GRXCR1: variants seen among roughly 807,000 people sequenced by gnomAD.
The protein encoded by GRXCR1 is glutaredoxin and cysteine rich domain containing 1.
A neutral mutation model predicts 27.3 loss-of-function variants in GRXCR1; 27 were observed. That is an observed-to-expected ratio of 0.99 (90% CI 0.73 to 1.37). The LOEUF is 1.37. GRXCR1 is among the 40% of genes most tolerant of loss of function. The pLI, the probability that GRXCR1 is intolerant of heterozygous loss-of-function variation, is 0.00. For synonymous variants in GRXCR1, 122 were observed against 131.1 expected (o/e 0.93, Z 0.47); for missense variants, 379 against 354.4 (o/e 1.07, Z -0.56).
chr4:42,906,539 A>G (rs1400011765), intron 1 of GRXCR1, among the ~76,000 whole-genome samples: 1 of 152,180 alleles, frequency 6.6e-6, no homozygotes, highest in Non-Finnish European at 1.5e-5. Flanking sequence ...CTCATTTCAC[A>G]TCTGAGGAGA....
chr4:43,008,054 T>C (rs905092781), intron 2 of GRXCR1, among the ~76,000 whole-genome samples: 5 of 152,324 alleles, frequency 3.3e-5, no homozygotes, highest in Admixed American at 6.5e-5. Flanking sequence ...TAGTTTTATC[T>C]AGTTTTCATT....
chr4:42,940,450 T>C (rs1406232051), intron 1 of GRXCR1, among the ~76,000 whole-genome samples: 1 of 152,072 alleles, frequency 6.6e-6, no homozygotes. Context: ...AGTTTTATCT[T>C]GTTGTAAGGA....
intron 2 of GRXCR1, among the ~76,000 whole-genome samples, chr4:42,997,209 T>C (rs1382367857): frequency 2.0e-5 from 3 of 152,336 alleles, no homozygotes; most frequent in East Asian, 3.9e-4. Context: ...AATAGATTAC[T>C]GAAAGTTGAA....
In GRXCR1 at chr4:42,937,932, T is replaced by C. The variant is rs187643083; in HGVS notation, c.385-24960T>C. On this transcript the variant is annotated intron_variant, in intron 1 of 3. Coordinates refer to ENST00000399770, the MANE Select transcript of GRXCR1 (RefSeq NM_001080476.3). ...TTTCTTTGAGTTATAAACATTTCAA[T>C]TGAATTCTCTAAGTTATTGTAAAAT... Among the ~76,000 whole-genome samples, 21 of 152,078 alleles carry C rather than the reference T, an allele frequency of 1.4e-4. No homozygotes were observed. In the East Asian group the frequency reaches 3.5e-3, roughly 25 times the overall value.
intron 2 of GRXCR1, among the ~76,000 whole-genome samples, chr4:42,963,380 A>G (rs771019911): frequency 6.6e-6 from 1 of 152,036 alleles, no homozygotes; most frequent in African/African-American, 2.4e-5. Flanking sequence ...ATAAATGTTT[A>G]AAAATATTCA....
chr4:42,951,153 G>A (rs1157743733), intron 1 of GRXCR1, among the ~76,000 whole-genome samples: 1 of 152,288 alleles, frequency 6.6e-6, no homozygotes. Flanking sequence ...GTCAGGAGAA[G>A]CTTGATGTCT....
chr4:43,011,032 C>T lies in GRXCR1; in HGVS notation c.628-9322C>T, dbSNP rs561738241. ...TTTCATGTGGCTGAGCCCACGATGT[C>T]AAACCTGAATGTTGCAGCCTCCCAA... On this transcript the variant is annotated intron_variant, in intron 2 of 3. Transcript: ENST00000399770. 2.0e-4 allele frequency among the ~76,000 whole-genome samples: 31 copies of T among 152,262 alleles called. 3 individuals are homozygous for T. The highest frequency in any genetic ancestry group is 1.9e-3 in the South Asian group (9 of 4,824).
intron 2 of GRXCR1, among the ~76,000 whole-genome samples, chr4:42,995,151 G>A (rs891846245): frequency 6.6e-6 from 1 of 152,008 alleles, no homozygotes; most frequent in African/African-American, 2.4e-5. Context: ...TTTTGAATTT[G>A]TTAAGATATT....
At chr4:43,005,028 G>A (rs1898241) in intron 2 of GRXCR1, among the ~76,000 whole-genome samples, 35,539 of 152,080 alleles carry the variant, frequency 0.23, 4,436 homozygotes, top group Admixed American at 0.29. Context: ...ACATATTGGG[G>A]GAGGAACCTG....
rs140858448 is a variant in GRXCR1, at chr4:42,997,177, T to C, written c.628-23177T>C. Reference sequence around the variant, plus strand: ...GGTTATTACCCATAGGTAAGATACATTTGGGGTAGATGATGTCTTAAAATA... The same window carrying C: ...GGTTATTACCCATAGGTAAGATACACTTGGGGTAGATGATGTCTTAAAATA... On this transcript the variant is annotated intron_variant, in intron 2 of 3. Transcript: ENST00000399770. 3.7e-3 allele frequency among the ~76,000 whole-genome samples: 561 copies of C among 152,322 alleles called. 9 individuals are homozygous for C. Among genetic ancestry groups the C allele is most frequent in the Non-Finnish European group, 4.7e-3 (322 of 68,026 alleles).
At chr4:42,936,598 A>G (rs1185904829) in intron 1 of GRXCR1, among the ~76,000 whole-genome samples, 3 of 151,938 alleles carry the variant, frequency 2.0e-5, no homozygotes, top group East Asian at 1.9e-4. Flanking sequence ...ATTATTAATT[A>G]AAGTCCATAC....
At position 42,918,676 on chromosome 4, in the gene GRXCR1, T is replaced by C. The variant is rs75087539; in HGVS notation, c.384+25026T>C. ...TTTTGACCATCTCTCTTTTGACACA[T>C]GAGTTCTTTCCCAATAAGCATCTAA... On this transcript the variant is annotated intron_variant, in intron 1 of 3. Transcript: ENST00000399770. Among the ~76,000 whole-genome samples the C allele has an allele frequency of 9.9e-5, 15 of 152,210 alleles. No individual in the cohort carries two copies. In the East Asian group the frequency reaches 2.9e-3, roughly 30 times the overall value.
intron 1 of GRXCR1, among the ~76,000 whole-genome samples, chr4:42,951,833 C>T (rs1747890942): frequency 6.6e-6 from 1 of 152,138 alleles, no homozygotes; most frequent in Non-Finnish European, 1.5e-5. Flanking sequence ...GATAATATCT[C>T]ATTGTGGTTT....
At chr4:42,972,848 C>A (rs2109780288) in intron 2 of GRXCR1, among the ~76,000 whole-genome samples, 1 of 152,232 alleles carries the variant, frequency 6.6e-6, no homozygotes, top group Admixed American at 6.5e-5. Flanking sequence ...CAATGGCCTT[C>A]AGTTCTACTC....
chr4:42,894,584 A>G (rs1481905479), intron 1 of GRXCR1, among the ~76,000 whole-genome samples: 2 of 152,108 alleles, frequency 1.3e-5, no homozygotes, highest in African/African-American at 4.8e-5. Context: ...AAGAGAGAGG[A>G]TTTCAATGAA....
At chr4:42,904,833 A>G (rs1746549510) in intron 1 of GRXCR1, among the ~76,000 whole-genome samples, 1 of 152,188 alleles carries the variant, frequency 6.6e-6, no homozygotes, top group Non-Finnish European at 1.5e-5. Flanking sequence ...CTTATGAGAT[A>G]CACAAAACAC....
intron 3 of GRXCR1, among the ~76,000 whole-genome samples, chr4:43,025,740 G>T (rs1713235489): frequency 6.6e-6 from 1 of 152,202 alleles, no homozygotes; most frequent in East Asian, 1.9e-4. Flanking sequence ...ACTTTGGGAG[G>T]CCAAGGCGGG....
chr4:43,006,647 C>T (rs1190337183), intron 2 of GRXCR1, among the ~76,000 whole-genome samples: 1 of 152,118 alleles, frequency 6.6e-6, no homozygotes, highest in African/African-American at 2.4e-5. Context: ...ACAATGGTGC[C>T]CGAAACTTCA....
intron 1 of GRXCR1, among the ~76,000 whole-genome samples, chr4:42,932,787 G>A (rs770437616): frequency 1.1e-4 from 17 of 151,156 alleles, no homozygotes; most frequent in Non-Finnish European, 1.9e-4. Context: ...TGGAATTACA[G>A]CCAAGACCAA....
Sources: allele counts gnomAD v4.1 joint callset (sites outside exome capture counted in the v4.1 genomes callset), GRCh38; gene constraint gnomAD v4.1.1; transcripts MANE v1.5; gene names NCBI Gene and HGNC (gene_info 2026-07-23, HGNC 2026-07-21).